CACNA2D3: variants seen among roughly 807,000 people sequenced by gnomAD.
The protein encoded by CACNA2D3 is calcium voltage-gated channel auxiliary subunit alpha2delta 3, also known as voltage-dependent calcium channel subunit alpha-2/delta-3.
In CACNA2D3, 60 loss-of-function variants were observed where a neutral mutation model predicts 160.6. That is an observed-to-expected ratio of 0.37 (90% CI 0.30 to 0.46). The LOEUF (loss-of-function observed/expected upper bound fraction) is 0.46. Among genes scored for constraint, CACNA2D3 ranks in the 20% least tolerant of loss-of-function variants. CACNA2D3 has a pLI of 1.00. For synonymous variants in CACNA2D3, 558 were observed against 492.9 expected, an observed-to-expected ratio of 1.13 and a Z score of -1.75; for missense variants, 1,205 against 1,365.0, an observed-to-expected ratio of 0.88 and a Z score of 1.85.
chr3:55,040,648 G>A (rs1188362729), intron 35 of CACNA2D3, among the ~76,000 whole-genome samples: 1 of 152,116 alleles, frequency 6.6e-6, no homozygotes, highest in African/African-American at 2.4e-5. Flanking sequence ...TCATGCCACT[G>A]TGCTCCAACC....
At chr3:54,148,974 C>CAAAAA (rs543235870) in intron 2 of CACNA2D3, among the ~76,000 whole-genome samples, 2 of 116,586 alleles carry the variant, frequency 1.7e-5, no homozygotes, top group African/African-American at 3.3e-5. Context: ...AAAACTCCAT[C>CAAAAA]AAAAAAAAAA....
intron 3 of CACNA2D3, among the ~76,000 whole-genome samples, chr3:54,344,461 A>G (rs1337529574): frequency 6.6e-6 from 1 of 152,224 alleles, no homozygotes. Context: ...GAAACCATAA[A>G]GTAAAGCAAA....
At chr3:54,440,151 C>T (rs1700120826) in intron 4 of CACNA2D3, among the ~76,000 whole-genome samples, 1 of 152,118 alleles carries the variant, frequency 6.6e-6, no homozygotes, top group African/African-American at 2.4e-5. Context: ...GAGGTCCAGC[C>T]CAGCCCAGTG....
chr3:54,170,090 A>T (rs1576975722), intron 2 of CACNA2D3, among the ~76,000 whole-genome samples: 1 of 150,950 alleles, frequency 6.6e-6, no homozygotes, highest in African/African-American at 2.4e-5. Context: ...TGGGAGGCTG[A>T]GGCAGGACAA....
intron 2 of CACNA2D3, among the ~76,000 whole-genome samples, chr3:54,258,956 G>A (rs1326662362): frequency 6.6e-6 from 1 of 152,188 alleles, no homozygotes; most frequent in Non-Finnish European, 1.5e-5. Context: ...CTGCCATACT[G>A]GACTGAGGTA....
chr3:54,674,446 T>C (rs1700206354), intron 11 of CACNA2D3, among the ~76,000 whole-genome samples: 1 of 152,050 alleles, frequency 6.6e-6, no homozygotes, highest in Non-Finnish European at 1.5e-5. Context: ...GGGAAGATAA[T>C]TGAGCAGGGA....
intron 11 of CACNA2D3, among the ~76,000 whole-genome samples, chr3:54,707,620 G>C (rs1700881824): frequency 6.6e-6 from 1 of 152,154 alleles, no homozygotes; most frequent in African/African-American, 2.4e-5. Context: ...CCCAGTATCA[G>C]AGTGTGGCTA....
At chr3:54,709,066 A>T (rs147815710) in intron 11 of CACNA2D3, among the ~76,000 whole-genome samples, 2 of 150,636 alleles carry the variant, frequency 1.3e-5, no homozygotes, top group African/African-American at 4.9e-5. Context: ...CTAGAGTGCA[A>T]TGACTCAATG....
intron 11 of CACNA2D3, among the ~76,000 whole-genome samples, chr3:54,680,075 C>A (rs1200795920): frequency 1.3e-4 from 20 of 151,802 alleles, no homozygotes; most frequent in Admixed American, 1.3e-3. Flanking sequence ...TTCCCTCACA[C>A]AAACAACTTT....
At chr3:54,386,855 T>TCAG in intron 4 of CACNA2D3, 81 bp downstream of exon 4, 2 of 1,283,396 alleles carry the variant, frequency 1.6e-6, no homozygotes, top group Non-Finnish European at 2.2e-6. Context: ...GGAATACTGA[T>TCAG]TTTTCAGTGA....
chr3:55,030,351 T>C (rs1277426531), intron 35 of CACNA2D3, among the ~76,000 whole-genome samples: 1 of 152,194 alleles, frequency 6.6e-6, no homozygotes, highest in South Asian at 2.1e-4. Flanking sequence ...TTCAATGATA[T>C]GTCATATAAT....
intron 2 of CACNA2D3, among the ~76,000 whole-genome samples, chr3:54,239,475 C>T (rs962040449): frequency 6.6e-6 from 1 of 152,214 alleles, no homozygotes; most frequent in Admixed American, 6.5e-5. Flanking sequence ...AACACTGACG[C>T]AGCTCAAGAT....
rs116568686 is a variant in CACNA2D3 at position 54,296,684 on chromosome 3, C to T, written c.205-23758C>T. ...CCTCAAAAATAAAAAGAGAGGCTGCCGTTTGAATAATGATCCCTGGCTGTT... is the reference window on the plus strand; with the variant it reads ...CCTCAAAAATAAAAAGAGAGGCTGCTGTTTGAATAATGATCCCTGGCTGTT... On this transcript the variant is annotated intron_variant, in intron 2 of 37. Coordinates refer to ENST00000474759, the MANE Select transcript of CACNA2D3 (RefSeq NM_018398.3). 4.5e-3 allele frequency among the ~76,000 whole-genome samples: 683 copies of T among 152,228 alleles called. 5 individuals carry two copies. The highest frequency in any genetic ancestry group is 0.015 in the African/African-American group (636 of 41,536).
At chr3:54,582,131 T>A (rs887570259) in intron 9 of CACNA2D3, among the ~76,000 whole-genome samples, 2 of 152,244 alleles carry the variant, frequency 1.3e-5, no homozygotes, top group African/African-American at 4.8e-5. Context: ...AACACAATGC[T>A]ATGGTGTGCT....
chr3:54,916,057 G>T (rs891782316), intron 27 of CACNA2D3, among the ~76,000 whole-genome samples: 6 of 152,148 alleles, frequency 3.9e-5, no homozygotes, highest in Admixed American at 6.5e-5. Flanking sequence ...CTCTGGCAGG[G>T]CCCAGTGCAC....
chr3:54,152,746 A>G (rs1700175110), intron 2 of CACNA2D3, among the ~76,000 whole-genome samples: 2 of 152,236 alleles, frequency 1.3e-5, no homozygotes, highest in Admixed American at 1.3e-4. Flanking sequence ...AGATATTTTA[A>G]AGTATAACTT....
intron 11 of CACNA2D3, among the ~76,000 whole-genome samples, chr3:54,662,124 G>A (rs191629958): frequency 1.3e-5 from 2 of 151,914 alleles, no homozygotes; most frequent in Admixed American, 6.6e-5. Flanking sequence ...TGCTCAGTTC[G>A]TTAGCACATA....
chr3:54,471,645 G>C (rs1261382676), intron 4 of CACNA2D3, among the ~76,000 whole-genome samples: 1 of 152,008 alleles, frequency 6.6e-6, no homozygotes, highest in East Asian at 1.9e-4. Context: ...AAAATAGCTA[G>C]ACCACTAGCC....
chr3:54,743,109 C>T (rs1172985725), intron 11 of CACNA2D3, among the ~76,000 whole-genome samples: 1 of 152,168 alleles, frequency 6.6e-6, no homozygotes, highest in Non-Finnish European at 1.5e-5. Flanking sequence ...CTTAATTTCC[C>T]AAATTTGTGA....
Sources: gnomAD v4.1 joint callset for allele counts (sites outside exome capture counted in the v4.1 genomes callset) on GRCh38, gnomAD v4.1.1 for gene constraint, MANE v1.5 for transcripts, NCBI Gene and HGNC (gene_info 2026-07-23, HGNC 2026-07-21) for gene names.